Variants in RELN observed in about 807,000 individuals in gnomAD.
RELN encodes the protein reelin.
In RELN, 108 loss-of-function variants were observed where a neutral mutation model predicts 427.6. That is an observed-to-expected ratio of 0.25 (90% CI 0.22 to 0.30). The LOEUF (loss-of-function observed/expected upper bound fraction) is 0.30. RELN is among the 10% of genes least tolerant of loss of function. RELN has a pLI of 1.00. For missense variants in RELN, 3,715 were observed against 4,302.8 expected, an observed-to-expected ratio of 0.86 and a Z score of 3.82; for synonymous variants, 1,524 against 1,513.4, an observed-to-expected ratio of 1.01 and a Z score of -0.16.
At chr7:103,550,650 A>T (rs183166796) in intron 41 of RELN, among the ~76,000 whole-genome samples, 1 of 147,608 alleles carries the variant, frequency 6.8e-6, no homozygotes, top group African/African-American at 2.5e-5. Flanking sequence ...CACCAGGAAT[A>T]TTCTGTGGGC....
At position 103,989,506 on chromosome 7, in the gene RELN, C is replaced by G; in HGVS notation, c.-150G>C. 8.0e-6 allele frequency: 5 copies of G among 622,122 alleles called. 1 individual carries two copies. The highest frequency in any genetic ancestry group is 1.2e-5 in the Non-Finnish European group (5 of 418,548). The allele number at this position is 622,122 out of a possible 1,614,324, so 38.5% of individuals were successfully genotyped here. On this transcript the variant is annotated 5_prime_UTR_variant, in exon 1 of 65. Transcript: ENST00000428762. The surrounding 1 kb of genome is among the most constrained non-coding windows in gnomAD (Gnocchi z 4.9). ...GCTCGGGAGCGGGCCTGGGAGCGGG[C>G]CCCCGCCGAGAAGTTCCGCGGGAGA...
At position 103,496,525 on chromosome 7, in the gene RELN, C is replaced by T; in HGVS notation, c.9193+1G>A. The T allele has an allele frequency of 6.2e-7, 1 of 1,614,048 alleles. No individual in the cohort carries two copies. The highest frequency in any genetic ancestry group is 8.5e-7 in the Non-Finnish European group (1 of 1,179,976). ...AAATTGTTCAATGTCTTGTTTCTTACCATCATCAAAAGTGTCCACCAATTG... is the reference window on the plus strand; with the variant it reads ...AAATTGTTCAATGTCTTGTTTCTTATCATCATCAAAAGTGTCCACCAATTG... On this transcript the variant is annotated splice_donor_variant, in intron 56 of 64. Coordinates refer to ENST00000428762, the MANE Select transcript of RELN (RefSeq NM_005045.4). LOFTEE classifies it high-confidence loss of function.
intron 10 of RELN, among the ~76,000 whole-genome samples, chr7:103,697,219 G>T (rs1833994626): frequency 6.6e-6 from 1 of 151,980 alleles, no homozygotes; most frequent in African/African-American, 2.4e-5. Flanking sequence ...ACCTCCCAAG[G>T]GCCCACCTCT....
chr7:103,853,681 A>G (rs927420400), intron 2 of RELN, among the ~76,000 whole-genome samples: 1 of 151,942 alleles, frequency 6.6e-6, no homozygotes, highest in Non-Finnish European at 1.5e-5. Flanking sequence ...TATAGTTGGG[A>G]ATAAAATATG....
chr7:103,904,643 ATG>A (rs1795156192), intron 2 of RELN, among the ~76,000 whole-genome samples: 1 of 152,190 alleles, frequency 6.6e-6, no homozygotes. Flanking sequence ...CTCATGTGGA[ATG>A]TGTGTTTTTG....
At chr7:103,909,711 A>AATATATTTTTTAATATATATAAAT (rs1563084802) in intron 2 of RELN, among the ~76,000 whole-genome samples, 8 of 35,012 alleles carry the variant, frequency 2.3e-4, no homozygotes, top group African/African-American at 1.1e-3. Context: ...AATATATATA[A>AATATATTTTTTAATATATATAAAT]ATATATATTA....
intron 1 of RELN, among the ~76,000 whole-genome samples, chr7:103,983,359 A>T (rs1036619444): frequency 2.6e-5 from 4 of 152,242 alleles, no homozygotes; most frequent in African/African-American, 9.6e-5. Context: ...GCCTTCAATG[A>T]GATGGGCATG....
At chr7:103,642,092 C>T (rs1039187200) in intron 16 of RELN, among the ~76,000 whole-genome samples, 2 of 152,014 alleles carry the variant, frequency 1.3e-5, no homozygotes, top group Non-Finnish European at 2.9e-5. Flanking sequence ...GAATAGCTTT[C>T]TTCACTATTA....
intron 4 of RELN, among the ~76,000 whole-genome samples, chr7:103,773,164 CTT>C (rs1228252567): frequency 2.4e-4 from 25 of 106,262 alleles, no homozygotes; most frequent in South Asian, 9.6e-4. Flanking sequence ...TTCTTTCTTT[CTT>C]TTTCTTTCTT....
At chr7:103,548,049 C>T (rs574925178) in intron 41 of RELN, among the ~76,000 whole-genome samples, 1 of 152,316 alleles carries the variant, frequency 6.6e-6, no homozygotes, top group East Asian at 1.9e-4. Context: ...TTCAAGCACA[C>T]AACATTGCTT....
intron 1 of RELN, among the ~76,000 whole-genome samples, chr7:103,936,013 A>AAAT (rs1795974668): frequency 6.6e-6 from 1 of 151,970 alleles, no homozygotes; most frequent in Non-Finnish European, 1.5e-5. Flanking sequence ...TTTATCTCTT[A>AAAT]AATACATCTG....
chr7:103,945,433 G>A (rs895920083), intron 1 of RELN, among the ~76,000 whole-genome samples: 1 of 152,094 alleles, frequency 6.6e-6, no homozygotes, highest in Admixed American at 6.6e-5. Context: ...TATTATTTTG[G>A]CCTTCATACC....
intron 1 of RELN, among the ~76,000 whole-genome samples, chr7:103,970,942 G>C (rs187962132): frequency 3.9e-5 from 6 of 152,218 alleles, no homozygotes; most frequent in Non-Finnish European, 7.4e-5. Flanking sequence ...GATCACCTGA[G>C]GTCAGGAGTT....
chr7:103,577,951 C>T (rs959283431), intron 28 of RELN, among the ~76,000 whole-genome samples: 7 of 152,222 alleles, frequency 4.6e-5, no homozygotes, highest in African/African-American at 1.7e-4. Context: ...GCTCTCTCAC[C>T]TGGGCAAGAT....
At chr7:103,815,630 G>A (rs1167668191) in intron 3 of RELN, among the ~76,000 whole-genome samples, 1 of 152,190 alleles carries the variant, frequency 6.6e-6, no homozygotes, top group African/African-American at 2.4e-5. Context: ...GCTGTGAAAA[G>A]TAATTCCTGA....
intron 17 of RELN, among the ~76,000 whole-genome samples, chr7:103,639,352 T>A (rs2117359046): frequency 6.6e-6 from 1 of 152,090 alleles, no homozygotes; most frequent in South Asian, 2.1e-4. Flanking sequence ...AATCTCAATG[T>A]CAACAAGCGC....
chr7:103,912,871 A>G (rs963379954), intron 2 of RELN, among the ~76,000 whole-genome samples: 16 of 152,134 alleles, frequency 1.1e-4, no homozygotes, highest in African/African-American at 3.9e-4. Flanking sequence ...AGCCTTGAAG[A>G]TTTACATGAT....
chr7:103,575,989 T>C (rs1830992616), intron 28 of RELN, among the ~76,000 whole-genome samples: 1 of 152,038 alleles, frequency 6.6e-6, no homozygotes, highest in African/African-American at 2.4e-5. Flanking sequence ...GAGATTCTCT[T>C]TGGGAGGCCG....
intron 3 of RELN, among the ~76,000 whole-genome samples, chr7:103,800,967 GAC>G (rs1792448664): frequency 6.6e-6 from 1 of 152,198 alleles, no homozygotes; most frequent in South Asian, 2.1e-4. Context: ...GCAGCCAAAA[GAC>G]ACATGAAAAA....
Sources: gnomAD v4.1 joint callset for allele counts (sites outside exome capture counted in the v4.1 genomes callset) on GRCh38, gnomAD v4.1.1 for gene constraint, Gnocchi (gnomAD v3.1) non-coding constraint, MANE v1.5 for transcripts, NCBI Gene and HGNC (gene_info 2026-07-23, HGNC 2026-07-21) for gene names.